Variants in PCDHA6 observed in about 807,000 individuals in gnomAD.
PCDHA6 encodes protocadherin alpha 6, also known as protocadherin alpha-6.
In PCDHA6, 55 loss-of-function variants were observed where a neutral mutation model predicts 60.3. That is an observed-to-expected ratio of 0.91 (90% CI 0.73 to 1.14). The LOEUF (loss-of-function observed/expected upper bound fraction) is 1.14. PCDHA6 is among the 50% of genes most tolerant of loss of function. The pLI is 0.00. For missense variants in PCDHA6, 1,327 were observed against 1,256.5 expected, an observed-to-expected ratio of 1.06 and a Z score of -0.85; for synonymous variants, 652 against 557.9, an observed-to-expected ratio of 1.17 and a Z score of -2.38.
rs1563652468 is a variant in PCDHA6 at position 141,000,419 on chromosome 5, A to AT, written c.2543-9207dup. The stretch of plus-strand genomic sequence containing the variant: ...TCTATATATATATATATATATATAT[A>AT]TATTTTTTTTTTTTTTTTTTTTTTT... On this transcript the variant is annotated intron_variant, in intron 3 of 3. Transcript: ENST00000529310. 4.4e-3 allele frequency among the ~76,000 whole-genome samples: 271 copies of AT among 60,978 alleles called. 1 individual carries two copies. The highest frequency in any genetic ancestry group is 5.9e-3 in the Non-Finnish European group (210 of 35,644). The allele number at this position is 60,978 out of a possible 152,430, so 40.0% of individuals were successfully genotyped here.
At chr5:140,857,104 T>G in intron 1 of PCDHA6, 6 of 1,597,962 alleles carry the variant, frequency 3.8e-6, no homozygotes, top group Non-Finnish European at 5.1e-6. Flanking sequence ...TGATTGTCAC[T>G]TCTCTGTCTC....
Position 141,011,530 on chromosome 5 carries a change from T to A in PCDHA6, c.*1593T>A, listed in dbSNP as rs1427621980. 1 of 153,810 alleles carries A rather than the reference T, an allele frequency of 6.5e-6. No individual in the cohort carries two copies. The highest frequency in any genetic ancestry group is 1.5e-5 in the Non-Finnish European group (1 of 68,042). The allele number at this position is 153,810 out of a possible 1,614,324, so 9.5% of individuals were successfully genotyped here. A position where few individuals can be genotyped will look rare whatever the true frequency, so the allele number is the denominator to read the frequency against. On this transcript the variant is annotated 3_prime_UTR_variant, in exon 4 of 4. Coordinates refer to ENST00000529310, the MANE Select transcript of PCDHA6 (RefSeq NM_018909.4). ...TGGAGTAGTGTTTTTTTAACCATTG[T>A]TAATCAGCTTTTGTGTATGAAAGAC...
intron 3 of PCDHA6, among the ~76,000 whole-genome samples, chr5:140,995,389 G>T (rs1377788418): frequency 6.6e-6 from 1 of 152,190 alleles, no homozygotes; most frequent in Non-Finnish European, 1.5e-5. Context: ...GCAGGATAAA[G>T]CGGGATGGCT....
intron 1 of PCDHA6, among the ~76,000 whole-genome samples, chr5:140,965,934 G>C (rs1186937423): frequency 6.6e-6 from 1 of 152,212 alleles, no homozygotes; most frequent in Non-Finnish European, 1.5e-5. Context: ...CTCCCGGAAA[G>C]AGGGCAGCAT....
intron 1 of PCDHA6, chr5:140,877,670 C>A: frequency 6.2e-7 from 1 of 1,613,654 alleles, no homozygotes; most frequent in Non-Finnish European, 8.5e-7. Flanking sequence ...AGCCGGTGCG[C>A]GCCGGGCAAG....
At chr5:140,849,840 AACG>A in intron 1 of PCDHA6, 4 of 1,598,334 alleles carry the variant, frequency 2.5e-6, no homozygotes, top group Non-Finnish European at 3.4e-6. Flanking sequence ...GGCCGACGTG[AACG>A]ACAACGCACC....
At position 140,829,485 on chromosome 5, in the gene PCDHA6, A is replaced by G. The variant is rs2150168670; in HGVS notation, c.1394A>G (p.Lys465Arg). The change falls in exon 1 of 4, where the codon AAG (lysine) becomes AGG (arginine). Residue 465 changes from lysine to arginine, a missense_variant. Coordinates refer to ENST00000529310, the MANE Select transcript of PCDHA6 (RefSeq NM_018909.4). ...CAGCCCGAGTACACAGTGTTCGTGA[A>G]GGAGAACAACCCGCCGGGCTGCCAC... is the stretch of plus-strand genomic sequence containing the variant. ...FAQPEYTVFV[K>R]ENNPPGCHIF... is the part of the protein sequence containing the mutation. 1.9e-6 allele frequency: 3 copies of G among 1,613,760 alleles called. No individual in the cohort carries two copies. Among genetic ancestry groups the G allele is most frequent in the Non-Finnish European group, 1.7e-6 (2 of 1,179,994 alleles).
intron 1 of PCDHA6, chr5:140,875,396 T>TA (rs1256359492): frequency 1.4e-6 from 2 of 1,478,102 alleles, no homozygotes; most frequent in African/African-American, 2.8e-5. Flanking sequence ...CAGAAAAGGG[T>TA]GACTGCTCAT....
At chr5:140,930,446 C>T (rs891083222) in intron 1 of PCDHA6, 1 of 151,964 alleles carries the variant, frequency 6.6e-6, no homozygotes, top group Admixed American at 6.6e-5. Context: ...TGGTCTCAAA[C>T]TCCTAGCCTC....
chr5:140,941,202 C>CCTTCCTTT (rs1554213920), intron 1 of PCDHA6, among the ~76,000 whole-genome samples: 107 of 122,824 alleles, frequency 8.7e-4, no homozygotes, highest in Admixed American at 4.2e-3. Flanking sequence ...TTTCTTTCTT[C>CCTTCCTTT]CTTTCTTTCT....
chr5:140,987,474 G>A (rs114440148), intron 3 of PCDHA6, among the ~76,000 whole-genome samples: 307 of 152,240 alleles, frequency 2.0e-3, no homozygotes, highest in African/African-American at 7.1e-3. Context: ...CTCAAGCTTG[G>A]GAGTCAGTGA....
intron 2 of PCDHA6, 83 bp from the exon 3 acceptor site, chr5:140,982,392 T>C: frequency 6.3e-7 from 1 of 1,598,158 alleles, no homozygotes. Context: ...GGCTTCATAG[T>C]TGTAAGCAAT....
chr5:140,857,728 C>G, intron 1 of PCDHA6: 1 of 1,597,418 alleles, frequency 6.3e-7, no homozygotes, highest in Non-Finnish European at 8.6e-7. Context: ...AGAACGACAA[C>G]GCTCCCGCGC....
intron 1 of PCDHA6, chr5:140,927,490 C>T: frequency 3.1e-6 from 5 of 1,614,132 alleles, no homozygotes; most frequent in Non-Finnish European, 4.2e-6. Context: ...CGCCACCCAC[C>T]TGCTGGTGCT....
intron 1 of PCDHA6, among the ~76,000 whole-genome samples, chr5:140,924,692 C>T (rs1421659285): frequency 2.0e-5 from 3 of 151,910 alleles, no homozygotes; most frequent in Admixed American, 6.6e-5. Flanking sequence ...GTCAGGAGTT[C>T]GAGACCAGCT....
intron 1 of PCDHA6, among the ~76,000 whole-genome samples, chr5:140,837,845 T>C (rs1033041173): frequency 1.3e-5 from 2 of 151,414 alleles, no homozygotes; most frequent in Admixed American, 1.3e-4. Flanking sequence ...GCCTGGCTAA[T>C]TTTATTTTAT....
chr5:140,903,902 A>G lies in PCDHA6; in HGVS notation c.2394+73417A>G, dbSNP rs548056424. Among the ~76,000 whole-genome samples the G allele has an allele frequency of 5.9e-5, 9 of 152,370 alleles. No individual in the cohort carries two copies. The South Asian group carries it at 1.9e-3, about 32-fold the overall frequency. On this transcript the variant is annotated intron_variant, in intron 1 of 3. Transcript: ENST00000529310. ...ACATTGAATCTTGACCTGTTTGTCA[A>G]TGATGTGACTTCCTTGCTGCATTGG...
At chr5:140,838,152 C>T (rs1353802529) in intron 1 of PCDHA6, among the ~76,000 whole-genome samples, 1 of 150,110 alleles carries the variant, frequency 6.7e-6, no homozygotes, top group African/African-American at 2.5e-5. Context: ...TTTACTCTGT[C>T]GCCCTCTCTG....
intron 1 of PCDHA6, chr5:140,875,646 G>T (rs781973102): frequency 6.2e-7 from 1 of 1,613,722 alleles, no homozygotes; most frequent in Non-Finnish European, 8.5e-7. Context: ...AGCTGGCGGA[G>T]CTGGTGCCGC....
Sources: allele counts gnomAD v4.1 joint callset (sites outside exome capture counted in the v4.1 genomes callset), GRCh38; gene constraint gnomAD v4.1.1; transcripts MANE v1.5; gene names NCBI Gene and HGNC (gene_info 2026-07-23, HGNC 2026-07-21).